Variants in CTNNA2 observed in about 807,000 individuals in gnomAD.
The protein encoded by CTNNA2 is catenin alpha-2.
In CTNNA2, 42 loss-of-function variants were observed where a neutral mutation model predicts 101.0. The observed-to-expected ratio is 0.42, with a 90% CI of 0.32 to 0.54. CTNNA2 has a LOEUF of 0.54. Among genes scored for constraint, CTNNA2 ranks in the 20% least tolerant of loss-of-function variants. CTNNA2 has a pLI of 0.14. For synonymous variants in CTNNA2, 450 were observed against 456.4 expected (o/e 0.99, Z 0.18); for missense variants, 871 against 1,223.1 (o/e 0.71, Z 4.29).
At chr2:79,956,983 A>G (rs1004213201) in intron 7 of CTNNA2, among the ~76,000 whole-genome samples, 1 of 152,108 alleles carries the variant, frequency 6.6e-6, no homozygotes, top group Admixed American at 6.5e-5. Flanking sequence ...CATGGAGAAA[A>G]GTAACAAAAT....
intron 7 of CTNNA2, among the ~76,000 whole-genome samples, chr2:80,356,851 T>G (rs939381080): frequency 6.6e-6 from 1 of 152,190 alleles, no homozygotes; most frequent in Non-Finnish European, 1.5e-5. Context: ...GGCCAGGTAC[T>G]TGTGTATGGC....
chr2:79,640,742 G>T (rs1041736537), intron 1 of CTNNA2, among the ~76,000 whole-genome samples: 7 of 152,152 alleles, frequency 4.6e-5, no homozygotes, highest in African/African-American at 1.2e-4. Context: ...TATTTCATAT[G>T]TTCACATTTA....
intron 7 of CTNNA2, among the ~76,000 whole-genome samples, chr2:80,329,653 T>C (rs770857434): frequency 1.1e-4 from 17 of 152,194 alleles, no homozygotes; most frequent in Non-Finnish European, 2.4e-4. Flanking sequence ...TCCAGATACA[T>C]TTGCACTTCC....
chr2:79,461,456 G>T (rs904663378), intron 4 of CTNNA2, among the ~76,000 whole-genome samples: 1 of 152,150 alleles, frequency 6.6e-6, no homozygotes, highest in East Asian at 1.9e-4. Flanking sequence ...ACATTTGAGT[G>T]CATAGCACGA....
chr2:79,901,578 TG>T (rs774637416), intron 6 of CTNNA2, among the ~76,000 whole-genome samples: 54 of 152,326 alleles, frequency 3.5e-4, no homozygotes, highest in Non-Finnish European at 6.2e-4. Flanking sequence ...TTGCTTTCTT[TG>T]TTGTCTTTCT....
chr2:79,214,934 C>G (rs1674229262), intron 2 of CTNNA2, among the ~76,000 whole-genome samples: 1 of 151,806 alleles, frequency 6.6e-6, no homozygotes, highest in South Asian at 2.1e-4. Context: ...GGAAACAGGC[C>G]CTTGAAAAGA....
chr2:79,214,579 A>AG (rs1674221325), intron 2 of CTNNA2, among the ~76,000 whole-genome samples: 1 of 152,088 alleles, frequency 6.6e-6, no homozygotes, highest in African/African-American at 2.4e-5. Context: ...GAGCGGGGTA[A>AG]GGGTGATTAG....
At chr2:80,043,040 C>CTTTCTTTCTTTCT (rs1558754587) in intron 7 of CTNNA2, among the ~76,000 whole-genome samples, 1 of 52,742 alleles carries the variant, frequency 1.9e-5, no homozygotes, top group Non-Finnish European at 3.8e-5. Flanking sequence ...TCTTTCTTTC[C>CTTTCTTTCTTTCT]TTCTTTCTTT....
intron 4 of CTNNA2, among the ~76,000 whole-genome samples, chr2:79,414,412 A>C (rs1439039684): frequency 3.3e-5 from 5 of 152,086 alleles, no homozygotes; most frequent in Non-Finnish European, 1.5e-5. Context: ...ATTGTTAAAA[A>C]CACTAGCTCA....
intron 7 of CTNNA2, among the ~76,000 whole-genome samples, chr2:80,114,047 C>A (rs1272972857): frequency 6.6e-6 from 1 of 152,132 alleles, no homozygotes; most frequent in Non-Finnish European, 1.5e-5. Flanking sequence ...CTGGGTGCCC[C>A]CTTTCTGATG....
chr2:79,827,344 T>C (rs1352786378), intron 3 of CTNNA2, among the ~76,000 whole-genome samples: 1 of 152,198 alleles, frequency 6.6e-6, no homozygotes, highest in Admixed American at 6.5e-5. Flanking sequence ...GGCCAGATTG[T>C]AATTTTTAAA....
rs115495188 is a variant in CTNNA2, at chr2:80,513,697, G to A, written c.1291-31285G>A. ...CTCAATTTTAGCAAAGGAGTAACACGCATAATTTATCTTCCCAAATTGTTA... is the reference window on the plus strand; with the variant it reads ...CTCAATTTTAGCAAAGGAGTAACACACATAATTTATCTTCCCAAATTGTTA... On this transcript the variant is annotated intron_variant, in intron 9 of 18. Transcript: ENST00000402739. 2.4e-3 allele frequency among the ~76,000 whole-genome samples: 368 copies of A among 152,258 alleles called. 1 individual carries two copies. Among genetic ancestry groups the A allele is most frequent in the Non-Finnish European group, 4.2e-3 (284 of 68,014 alleles).
intron 4 of CTNNA2, among the ~76,000 whole-genome samples, chr2:79,401,711 T>G (rs903466078): frequency 6.6e-6 from 1 of 151,508 alleles, no homozygotes. Context: ...AAAACCCAGA[T>G]GTAAGCCATA....
At chr2:80,565,985 T>G (rs141895566) in intron 12 of CTNNA2, among the ~76,000 whole-genome samples, 7 of 152,190 alleles carry the variant, frequency 4.6e-5, no homozygotes, top group Non-Finnish European at 8.8e-5. Flanking sequence ...CCAATAAATA[T>G]GCTTGAAACG....
chr2:79,613,759 A>T (rs1678444872), intron 1 of CTNNA2, among the ~76,000 whole-genome samples: 1 of 152,116 alleles, frequency 6.6e-6, no homozygotes, highest in African/African-American at 2.4e-5. Context: ...ATCTCAAGTG[A>T]TCCTCCTGCC....
chr2:80,440,400 A>T (rs1401694409), intron 9 of CTNNA2, among the ~76,000 whole-genome samples: 1 of 152,220 alleles, frequency 6.6e-6, no homozygotes, highest in Non-Finnish European at 1.5e-5. Context: ...AGGACAAATG[A>T]GTTCCACAGT....
intron 1 of CTNNA2, among the ~76,000 whole-genome samples, chr2:79,584,563 C>T (rs1194518363): frequency 6.8e-6 from 1 of 146,422 alleles, no homozygotes; most frequent in Non-Finnish European, 1.5e-5. Flanking sequence ...TTGCTCTTGT[C>T]GCCCAGGCTG....
At chr2:79,424,789 T>C (rs1380600393) in intron 4 of CTNNA2, among the ~76,000 whole-genome samples, 1 of 152,160 alleles carries the variant, frequency 6.6e-6, no homozygotes, top group East Asian at 1.9e-4. Flanking sequence ...ATAAAACGAA[T>C]AATTTGAAAA....
chr2:80,185,885 G>A (rs906428352), intron 7 of CTNNA2, among the ~76,000 whole-genome samples: 1 of 152,200 alleles, frequency 6.6e-6, no homozygotes, highest in African/African-American at 2.4e-5. Flanking sequence ...ATGCCACCAT[G>A]ATCATGATTT....
Sources: allele counts gnomAD v4.1 joint callset (sites outside exome capture counted in the v4.1 genomes callset), GRCh38; gene constraint gnomAD v4.1.1; transcripts MANE v1.5; gene names NCBI Gene and HGNC (gene_info 2026-07-23, HGNC 2026-07-21).